The following NUBPL variants were observed in gnomAD, a reference collection of about 807,000 sequenced individuals.
The protein encoded by NUBPL is NUBP iron-sulfur cluster assembly factor, mitochondrial.
In NUBPL, 31 loss-of-function variants were observed where a neutral mutation model predicts 45.7. The observed-to-expected ratio is 0.68, with a 90% CI of 0.51 to 0.92. NUBPL has a LOEUF of 0.92. NUBPL is among the 40% of genes least tolerant of loss of function. NUBPL has a pLI of 0.00. For synonymous variants in NUBPL, 144 were observed against 140.9 expected, an observed-to-expected ratio of 1.02 and a Z score of -0.15; for missense variants, 401 against 398.7, an observed-to-expected ratio of 1.01 and a Z score of -0.05.
chr14:31,816,957 C>G (rs930220801), intron 7 of NUBPL, among the ~76,000 whole-genome samples: 1 of 151,618 alleles, frequency 6.6e-6, no homozygotes, highest in Non-Finnish European at 1.5e-5. Context: ...CAACTGCTAA[C>G]TAGAATAACC....
intron 3 of NUBPL, among the ~76,000 whole-genome samples, chr14:31,588,933 G>C (rs182960073): frequency 1.4e-5 from 2 of 144,234 alleles, no homozygotes; most frequent in African/African-American, 2.5e-5. Context: ...AAAAAAAATA[G>C]TAATTACCCA....
chr14:31,581,414 T>A (rs902605942), intron 3 of NUBPL, among the ~76,000 whole-genome samples: 6 of 152,180 alleles, frequency 3.9e-5, no homozygotes, highest in Non-Finnish European at 8.8e-5. Flanking sequence ...TAGCCCCTAG[T>A]AACCACTAAT....
rs538039316 is a variant in NUBPL, at chr14:31,664,105, T to G, written c.383-9250T>G. Among the ~76,000 whole-genome samples the G allele has an allele frequency of 2.1e-3, 319 of 152,366 alleles. 1 individual carries two copies. Among genetic ancestry groups the G allele is most frequent in the African/African-American group, 7.3e-3 (304 of 41,584 alleles). On this transcript the variant is annotated intron_variant, in intron 4 of 10. Transcript: ENST00000281081. Reference sequence around the variant, plus strand: ...TTAATTTTATATCCTGAGACTTTCCTGAAGTTGCTTATCAGCTTAAGGAGT... The same window carrying G: ...TTAATTTTATATCCTGAGACTTTCCGGAAGTTGCTTATCAGCTTAAGGAGT...
At chr14:31,636,630 T>G (rs1401299752) in intron 4 of NUBPL, among the ~76,000 whole-genome samples, 3 of 152,208 alleles carry the variant, frequency 2.0e-5, no homozygotes, top group African/African-American at 7.2e-5. Flanking sequence ...GGATTTCCTC[T>G]TTTTCTATTG....
intron 4 of NUBPL, among the ~76,000 whole-genome samples, chr14:31,638,132 T>G (rs1486403316): frequency 1.3e-5 from 2 of 152,176 alleles, no homozygotes; most frequent in Non-Finnish European, 2.9e-5. Context: ...CCTGTCATTA[T>G]GATGTTAGCT....
intron 3 of NUBPL, among the ~76,000 whole-genome samples, chr14:31,583,109 A>G (rs1024354045): frequency 2.6e-5 from 4 of 152,200 alleles, no homozygotes; most frequent in African/African-American, 7.2e-5. Context: ...TTTTATTTTT[A>G]TACATGATTA....
At chr14:31,578,795 G>C (rs531877930) in intron 3 of NUBPL, among the ~76,000 whole-genome samples, 1 of 152,164 alleles carries the variant, frequency 6.6e-6, no homozygotes, top group Admixed American at 6.5e-5. Flanking sequence ...TAAAGAGAGC[G>C]GGCAGCTTGT....
chr14:31,693,004 G>A (rs1287531384), intron 6 of NUBPL, among the ~76,000 whole-genome samples: 1 of 151,892 alleles, frequency 6.6e-6, no homozygotes, highest in African/African-American at 2.4e-5. Context: ...AATGGCCAAT[G>A]TATGTCGAAA....
At position 31,683,444 on chromosome 14, in the gene NUBPL, C is replaced by T. The variant is rs529157412; in HGVS notation, c.513+9870C>T. On this transcript the variant is annotated intron_variant, in intron 6 of 10. Transcript: ENST00000281081. ...CATAATCTAGGCTCACTGCAACTTCCGCCTCCTTGGTTCAAGCAGTTCTCC... is the reference window on the plus strand; with the variant it reads ...CATAATCTAGGCTCACTGCAACTTCTGCCTCCTTGGTTCAAGCAGTTCTCC... 4.3e-3 allele frequency among the ~76,000 whole-genome samples: 647 copies of T among 148,886 alleles called. 1 individual carries two copies. Among genetic ancestry groups the T allele is most frequent in the Non-Finnish European group, 7.2e-3 (489 of 67,506 alleles).
intron 6 of NUBPL, among the ~76,000 whole-genome samples, chr14:31,769,735 C>T (rs2038975525): frequency 6.6e-6 from 1 of 151,046 alleles, no homozygotes; most frequent in African/African-American, 2.4e-5. Context: ...TCCTTAAATC[C>T]CTCACAAATA....
chr14:31,579,771 G>T (rs1360929169), intron 3 of NUBPL, among the ~76,000 whole-genome samples: 1 of 152,242 alleles, frequency 6.6e-6, no homozygotes, highest in South Asian at 2.1e-4. Flanking sequence ...TATTTTGGCA[G>T]TCCCTCCTGT....
At chr14:31,838,894 ACCCT>A (rs1446324750) in intron 8 of NUBPL, among the ~76,000 whole-genome samples, 1 of 152,128 alleles carries the variant, frequency 6.6e-6, no homozygotes. Flanking sequence ...ACTAATGGCT[ACCCT>A]ATTGGGCATT....
At chr14:31,715,009 T>G (rs898771632) in intron 6 of NUBPL, among the ~76,000 whole-genome samples, 1 of 152,210 alleles carries the variant, frequency 6.6e-6, no homozygotes, top group Non-Finnish European at 1.5e-5. Context: ...TCGAAAGAAT[T>G]TACTAAATCA....
At chr14:31,654,901 A>C (rs942290099) in intron 4 of NUBPL, among the ~76,000 whole-genome samples, 1 of 152,174 alleles carries the variant, frequency 6.6e-6, no homozygotes, top group Non-Finnish European at 1.5e-5. Flanking sequence ...AACATTCTAA[A>C]CTTTTTGTTG....
intron 7 of NUBPL, among the ~76,000 whole-genome samples, chr14:31,795,353 C>T (rs1380186039): frequency 2.0e-5 from 2 of 100,882 alleles, no homozygotes; most frequent in Admixed American, 1.1e-4. Flanking sequence ...ATTGATTCTT[C>T]CTACCCATGA....
At chr14:31,833,885 C>G (rs992059275) in intron 8 of NUBPL, among the ~76,000 whole-genome samples, 4 of 152,154 alleles carry the variant, frequency 2.6e-5, no homozygotes, top group Non-Finnish European at 5.9e-5. Context: ...TCATATCTCT[C>G]AAGAAGCCTA....
At chr14:31,719,969 A>G (rs990843671) in intron 6 of NUBPL, among the ~76,000 whole-genome samples, 2 of 152,172 alleles carry the variant, frequency 1.3e-5, no homozygotes, top group South Asian at 4.1e-4. Flanking sequence ...GACTGATTTT[A>G]TAATTTATTT....
At chr14:31,783,658 CA>C (rs1334749020) in intron 6 of NUBPL, among the ~76,000 whole-genome samples, 1 of 152,062 alleles carries the variant, frequency 6.6e-6, no homozygotes, top group Non-Finnish European at 1.5e-5. Flanking sequence ...GCTGGGACTA[CA>C]GACACCCACC....
chr14:31,707,852 A>G (rs550371106), intron 6 of NUBPL, among the ~76,000 whole-genome samples: 1 of 152,336 alleles, frequency 6.6e-6, no homozygotes, highest in African/African-American at 2.4e-5. Context: ...GAAGGACCAG[A>G]GTGCCTGGAC....
Sources: gnomAD v4.1 joint callset for allele counts (sites outside exome capture counted in the v4.1 genomes callset) on GRCh38, gnomAD v4.1.1 for gene constraint, MANE v1.5 for transcripts, NCBI Gene and HGNC (gene_info 2026-07-23, HGNC 2026-07-21) for gene names.